MINDY3: variants seen among roughly 807,000 people sequenced by gnomAD.
The protein encoded by MINDY3 is MINDY lysine 48 deubiquitinase 3.
A neutral mutation model predicts 69.2 loss-of-function variants in MINDY3; 38 were observed. That is an observed-to-expected ratio of 0.55 (90% CI 0.42 to 0.72). MINDY3 has a LOEUF of 0.72. Ranked by LOEUF, MINDY3 falls within the 30% of genes least tolerant of loss-of-function variation. MINDY3 has a pLI of 0.00. For missense variants in MINDY3, 522 were observed against 519.0 expected (o/e 1.01, Z -0.06); for synonymous variants, 192 against 180.1 (o/e 1.07, Z -0.53).
In MINDY3 at chr10:15,841,479, G is replaced by T. The variant is rs1385900302; in HGVS notation, c.356C>A (p.Thr119Asn). 1 of 1,611,904 alleles carries T rather than the reference G, an allele frequency of 6.2e-7. No individual in the cohort carries two copies. Among genetic ancestry groups the T allele is most frequent in the African/African-American group, 1.3e-5 (1 of 74,932 alleles). ...TGCAGGACTCCCAGAAATACTAGCA[G>T]TTTCCTCAGTTGTCTTTCCTCTTAA... is the stretch of plus-strand genomic sequence containing the variant. ...SWLRGKTTEE[T>N]ASISGSPAES... The change falls in exon 4 of 15, where the codon ACT becomes AAT. Residue 119 changes from threonine to asparagine, a missense_variant. Thr to Asn is a moderately conservative substitution (Grantham distance 65). Coordinates refer to ENST00000277632, the MANE Select transcript of MINDY3 (RefSeq NM_024948.4).
At chr10:15,834,506 A>G (rs1193526255) in intron 7 of MINDY3, 37 bp downstream of exon 7, 2 of 1,408,528 alleles carry the variant, frequency 1.4e-6, no homozygotes, top group South Asian at 2.4e-5. Flanking sequence ...TAAAAACTGG[A>G]GTTCACATGA....
intron 1 of MINDY3, among the ~76,000 whole-genome samples, chr10:15,853,735 CTT>C (rs367679592): frequency 8.2e-5 from 12 of 146,954 alleles, no homozygotes; most frequent in East Asian, 4.0e-4. Context: ...GAACCAGCTA[CTT>C]TTTTTTTTTT....
At chr10:15,811,945 AT>A (rs1287447683) in intron 10 of MINDY3, among the ~76,000 whole-genome samples, 4 of 151,674 alleles carry the variant, frequency 2.6e-5, no homozygotes, top group African/African-American at 9.7e-5. Context: ...TTTTTTTATT[AT>A]TTTTATTTTT....
intron 10 of MINDY3, among the ~76,000 whole-genome samples, chr10:15,799,854 C>T (rs760361189): frequency 2.0e-5 from 3 of 152,070 alleles, no homozygotes; most frequent in Admixed American, 1.3e-4. Flanking sequence ...TGGCACACTA[C>T]GAACACTCAC....
intron 8 of MINDY3, among the ~76,000 whole-genome samples, chr10:15,831,579 G>A (rs1177479285): frequency 6.6e-6 from 1 of 151,794 alleles, no homozygotes; most frequent in Non-Finnish European, 1.5e-5. Flanking sequence ...CGACATATGT[G>A]TACATCTCAA....
At chr10:15,787,639 G>A (rs1247852387) in intron 12 of MINDY3, among the ~76,000 whole-genome samples, 4 of 152,078 alleles carry the variant, frequency 2.6e-5, no homozygotes, top group East Asian at 1.9e-4. Context: ...CTGCATCTGC[G>A]CTGACATAGC....
chr10:15,831,673 CTTTTT>C (rs10716234), intron 8 of MINDY3, among the ~76,000 whole-genome samples: 1 of 121,384 alleles, frequency 8.2e-6, no homozygotes, highest in African/African-American at 3.4e-5. Flanking sequence ...GCCTCCTTTT[CTTTTT>C]TTTTTTTTTT....
chr10:15,835,462 C>T (rs1427018698), intron 6 of MINDY3, among the ~76,000 whole-genome samples: 6 of 152,114 alleles, frequency 3.9e-5, no homozygotes, highest in Admixed American at 1.3e-4. Context: ...GAAGCATGAG[C>T]TCTTGCATAT....
At chr10:15,843,327 C>T (rs1833609971) in intron 2 of MINDY3, 55 bp from the exon 3 acceptor site, 1 of 1,378,184 alleles carries the variant, frequency 7.3e-7, no homozygotes, top group African/African-American at 1.4e-5. Flanking sequence ...TACATCATAT[C>T]ATTCTTCAAT....
At chr10:15,811,756 C>CTTA (rs1273217888) in intron 10 of MINDY3, among the ~76,000 whole-genome samples, 1 of 151,998 alleles carries the variant, frequency 6.6e-6, no homozygotes, top group East Asian at 1.9e-4. Flanking sequence ...GCACTTTCTC[C>CTTA]TTATTACTAG....
intron 1 of MINDY3, among the ~76,000 whole-genome samples, chr10:15,853,736 T>A (rs1258766615): frequency 1.1e-5 from 1 of 87,674 alleles, no homozygotes; most frequent in Non-Finnish European, 2.5e-5. Flanking sequence ...AACCAGCTAC[T>A]TTTTTTTTTT....
intron 10 of MINDY3, among the ~76,000 whole-genome samples, chr10:15,799,055 A>G (rs996960112): frequency 5.3e-5 from 8 of 152,118 alleles, no homozygotes; most frequent in African/African-American, 1.9e-4. Flanking sequence ...TGCAGGGCAT[A>G]TGGTCTTAGC....
chr10:15,838,306 C>T, intron 4 of MINDY3, 27 bp from the exon 5 acceptor site: 1 of 1,566,260 alleles, frequency 6.4e-7, no homozygotes, highest in Non-Finnish European at 8.6e-7. Flanking sequence ...CTTTTCAGCA[C>T]TACACATGGC....
At chr10:15,804,112 CATG>C (rs1366659434) in intron 10 of MINDY3, among the ~76,000 whole-genome samples, 3 of 152,144 alleles carry the variant, frequency 2.0e-5, no homozygotes, top group African/African-American at 7.2e-5. Flanking sequence ...GATATAATCA[CATG>C]ATTTTATCAG....
At chr10:15,828,394 G>A (rs1840233868) in intron 8 of MINDY3, among the ~76,000 whole-genome samples, 1 of 152,178 alleles carries the variant, frequency 6.6e-6, no homozygotes, top group South Asian at 2.1e-4. Flanking sequence ...GAAAGTAGAT[G>A]AGCGGATGCT....
intron 10 of MINDY3, among the ~76,000 whole-genome samples, chr10:15,812,832 A>C (rs1275072190): frequency 1.3e-5 from 2 of 152,186 alleles, no homozygotes; most frequent in Non-Finnish European, 2.9e-5. Context: ...CTAAAGCTCT[A>C]AGATCTAATC....
chr10:15,784,252 CTTAT>C (rs1489474642), intron 13 of MINDY3, among the ~76,000 whole-genome samples: 43 of 152,136 alleles, frequency 2.8e-4, no homozygotes. Context: ...TTCTGCTATT[CTTAT>C]TTAAACGAAT....
At chr10:15,838,386 C>T in intron 4 of MINDY3, 107 bp from the exon 5 acceptor site, 1 of 858,526 alleles carries the variant, frequency 1.2e-6, no homozygotes, top group East Asian at 3.0e-5. Flanking sequence ...TCCCTATTTC[C>T]TTACTCCCTT....
chr10:15,798,559 C>T (rs1331784374), intron 10 of MINDY3, among the ~76,000 whole-genome samples: 5 of 150,662 alleles, frequency 3.3e-5, no homozygotes, highest in East Asian at 2.0e-4. Context: ...GGGCAGATAA[C>T]GAGGTCAGGA....
Sources: allele counts gnomAD v4.1 joint callset (sites outside exome capture counted in the v4.1 genomes callset), GRCh38; gene constraint gnomAD v4.1.1; transcripts MANE v1.5; gene names NCBI Gene and HGNC (gene_info 2026-07-23, HGNC 2026-07-21).